MYRIP: variants seen among roughly 807,000 people sequenced by gnomAD.
MYRIP encodes rab effector MyRIP.
Under a neutral mutation model 98.0 loss-of-function variants are expected in MYRIP, and 49 were observed. That is an observed-to-expected ratio of 0.50 (90% CI 0.40 to 0.63). MYRIP has a LOEUF of 0.63. MYRIP is among the 30% of genes least tolerant of loss of function. The probability of loss-of-function intolerance (pLI) is 0.00; values close to 1 mark genes in which losing one functional copy is unlikely to be tolerated. For missense variants in MYRIP, 1,004 were observed against 1,058.2 expected (o/e 0.95, Z 0.71); for synonymous variants, 404 against 409.5 (o/e 0.99, Z 0.16).
At chr3:39,926,278 G>A (rs994816593) in intron 2 of MYRIP, among the ~76,000 whole-genome samples, 22 of 152,044 alleles carry the variant, frequency 1.4e-4, no homozygotes, top group Non-Finnish European at 2.1e-4. Context: ...CTCCCATTCT[G>A]TGGGTCATTT....
chr3:39,968,479 C>T (rs900618774), intron 2 of MYRIP, among the ~76,000 whole-genome samples: 5 of 152,012 alleles, frequency 3.3e-5, no homozygotes, highest in African/African-American at 1.2e-4. Context: ...AAGTCTTTAA[C>T]CTATCTTGAG....
At chr3:40,233,538 C>G (rs188236054) in intron 11 of MYRIP, among the ~76,000 whole-genome samples, 2 of 152,114 alleles carry the variant, frequency 1.3e-5, no homozygotes, top group South Asian at 2.1e-4. Flanking sequence ...TATTATTCAG[C>G]AAATAAGGTC....
chr3:39,924,628 C>T (rs892604360), intron 2 of MYRIP, among the ~76,000 whole-genome samples: 11 of 151,960 alleles, frequency 7.2e-5, no homozygotes, highest in African/African-American at 2.4e-4. Context: ...AGTCAAGCAA[C>T]GAGATTTAAT....
chr3:40,190,534 T>A (rs1347746541), intron 10 of MYRIP, 71 bp downstream of exon 10: 2 of 1,504,234 alleles, frequency 1.3e-6, no homozygotes, highest in Non-Finnish European at 1.8e-6. Context: ...CAAGCACAAG[T>A]GGCATAGAGT....
At chr3:39,873,143 G>T (rs1390641336) in intron 1 of MYRIP, among the ~76,000 whole-genome samples, 1 of 152,172 alleles carries the variant, frequency 6.6e-6, no homozygotes, top group Non-Finnish European at 1.5e-5. Flanking sequence ...CTTCTTTTGA[G>T]AAGTGTCTGT....
At chr3:39,994,007 A>G (rs1177643249) in intron 2 of MYRIP, among the ~76,000 whole-genome samples, 1 of 152,232 alleles carries the variant, frequency 6.6e-6, no homozygotes, top group Admixed American at 6.5e-5. Context: ...TTCAAACAAA[A>G]TGGGGTCCCA....
chr3:40,151,257 AACACTGGAGC>A, intron 4 of MYRIP, 73 bp downstream of exon 4: 3 of 1,484,502 alleles, frequency 2.0e-6, no homozygotes, highest in Non-Finnish European at 2.7e-6. Flanking sequence ...AGGGGCCCTG[AACACTGGAGC>A]ACACTCACCT....
At chr3:40,203,315 A>T (rs1001137997) in intron 10 of MYRIP, among the ~76,000 whole-genome samples, 1 of 152,134 alleles carries the variant, frequency 6.6e-6, no homozygotes. Flanking sequence ...CTCCAGTTTG[A>T]GAAAATATGC....
At chr3:40,129,219 T>C (rs1469059319) in intron 3 of MYRIP, among the ~76,000 whole-genome samples, 1 of 151,520 alleles carries the variant, frequency 6.6e-6, no homozygotes, top group African/African-American at 2.4e-5. Flanking sequence ...GGCAGATCAC[T>C]TGAGCTCAGG....
intron 10 of MYRIP, among the ~76,000 whole-genome samples, chr3:40,201,985 C>G (rs1048204028): frequency 3.9e-5 from 6 of 152,174 alleles, no homozygotes; most frequent in African/African-American, 1.4e-4. Flanking sequence ...CCTCCACCCT[C>G]TGAACAGCTG....
chr3:39,831,362 C>T (rs547799919), intron 1 of MYRIP, among the ~76,000 whole-genome samples: 47 of 152,244 alleles, frequency 3.1e-4, no homozygotes, highest in African/African-American at 1.1e-3. Flanking sequence ...ATAAATATCT[C>T]CAAATCAACC....
At chr3:40,035,346 A>T (rs1947354977) in intron 2 of MYRIP, among the ~76,000 whole-genome samples, 1 of 152,126 alleles carries the variant, frequency 6.6e-6, no homozygotes, top group South Asian at 2.1e-4. Context: ...ATTCCCCAAG[A>T]TGAGAAACAG....
intron 3 of MYRIP, among the ~76,000 whole-genome samples, chr3:40,063,878 C>T (rs978000814): frequency 1.3e-5 from 2 of 152,158 alleles, no homozygotes; most frequent in Admixed American, 6.5e-5. Context: ...AGTGCTCTGC[C>T]GGAGATTGCA....
intron 1 of MYRIP, among the ~76,000 whole-genome samples, chr3:39,888,524 C>T (rs1373572682): frequency 2.0e-5 from 3 of 152,064 alleles, no homozygotes; most frequent in Non-Finnish European, 4.4e-5. Context: ...ATACCAAAAT[C>T]AATTCAAGAT....
At chr3:40,074,429 T>C (rs1948298029) in intron 3 of MYRIP, among the ~76,000 whole-genome samples, 1 of 152,032 alleles carries the variant, frequency 6.6e-6, no homozygotes, top group African/African-American at 2.4e-5. Context: ...TTTTAAGAAA[T>C]AGAGAAAATT....
intron 3 of MYRIP, among the ~76,000 whole-genome samples, chr3:40,092,152 G>A (rs984826066): frequency 1.2e-4 from 18 of 152,284 alleles, no homozygotes; most frequent in Non-Finnish European, 2.2e-4. Flanking sequence ...CACACTGGAT[G>A]ACTGTGAAAG....
At chr3:40,255,470 TAAAATA>T (rs1163768408) in intron 16 of MYRIP, among the ~76,000 whole-genome samples, 3 of 151,844 alleles carry the variant, frequency 2.0e-5, no homozygotes, top group Non-Finnish European at 4.4e-5. Flanking sequence ...GTTTTTTAAA[TAAAATA>T]AAAATAAATT....
At chr3:40,177,398 T>A (rs1559435928) in intron 8 of MYRIP, among the ~76,000 whole-genome samples, 1 of 152,300 alleles carries the variant, frequency 6.6e-6, no homozygotes, top group East Asian at 1.9e-4. Context: ...GCCCTAAACC[T>A]GTGGCCTCCT....
At chr3:40,024,560 C>T (rs1947079353) in intron 2 of MYRIP, among the ~76,000 whole-genome samples, 2 of 148,788 alleles carry the variant, frequency 1.3e-5, no homozygotes, top group South Asian at 2.1e-4. Flanking sequence ...AGGCTAGATG[C>T]TTTTTGTGGG....
Sources: gnomAD v4.1 joint callset for allele counts (sites outside exome capture counted in the v4.1 genomes callset) on GRCh38, gnomAD v4.1.1 for gene constraint, MANE v1.5 for transcripts, NCBI Gene and HGNC (gene_info 2026-07-23, HGNC 2026-07-21) for gene names.